The following PLEKHA5 variants were observed in gnomAD, a reference collection of about 807,000 sequenced individuals.
PLEKHA5 encodes the protein pleckstrin homology domain containing A5.
A neutral mutation model predicts 181.9 loss-of-function variants in PLEKHA5; 55 were observed. That is an observed-to-expected ratio of 0.30 (90% CI 0.24 to 0.38). The LOEUF (loss-of-function observed/expected upper bound fraction) is 0.38, where lower values mean the gene tolerates loss of function less well. Among genes scored for constraint, PLEKHA5 ranks in the 10% least tolerant of loss-of-function variants. The probability of loss-of-function intolerance (pLI) is 1.00; values close to 1 mark genes in which losing one functional copy is unlikely to be tolerated. For synonymous variants in PLEKHA5, 535 were observed against 529.4 expected (o/e 1.01, Z -0.15); for missense variants, 1,432 against 1,549.5 (o/e 0.92, Z 1.27).
intron 3 of PLEKHA5, among the ~76,000 whole-genome samples, chr12:19,227,778 C>G (rs1407936800): frequency 1.3e-5 from 2 of 152,130 alleles, no homozygotes; most frequent in Non-Finnish European, 2.9e-5. Flanking sequence ...ATAGCAATGA[C>G]CGATCTCTGC....
intron 3 of PLEKHA5, among the ~76,000 whole-genome samples, chr12:19,230,910 A>G (rs971903610): frequency 2.6e-5 from 4 of 152,200 alleles, no homozygotes; most frequent in African/African-American, 4.8e-5. Flanking sequence ...GTCACCTCTC[A>G]ATATCATGGT....
chr12:19,286,964 C>CAAA (rs563435759), intron 12 of PLEKHA5, among the ~76,000 whole-genome samples: 2 of 102,782 alleles, frequency 1.9e-5, no homozygotes, highest in Non-Finnish European at 2.1e-5. Context: ...GACTCTGCTT[C>CAAA]AAAAAACAAA....
chr12:19,216,929 A>G (rs989299228), intron 3 of PLEKHA5, among the ~76,000 whole-genome samples: 1 of 152,176 alleles, frequency 6.6e-6, no homozygotes, highest in Non-Finnish European at 1.5e-5. Flanking sequence ...CTCTCCAGAA[A>G]AAGTCCTCCA....
chr12:19,169,484 C>G (rs1292531649), intron 3 of PLEKHA5, among the ~76,000 whole-genome samples: 2 of 152,160 alleles, frequency 1.3e-5, no homozygotes, highest in Non-Finnish European at 2.9e-5. Context: ...TGCCTCCTGA[C>G]ACACTGATTG....
At chr12:19,254,114 A>C (rs960021757) in intron 4 of PLEKHA5, 91 bp downstream of exon 4, 7 of 781,060 alleles carry the variant, frequency 9.0e-6, no homozygotes, top group Non-Finnish European at 1.5e-5. Flanking sequence ...CAGTTTTCTT[A>C]TCTGGACATT....
rs139138076 is a variant in PLEKHA5 at position 19,244,620 on chromosome 12, T to C, written c.228-9320T>C. On this transcript the variant is annotated intron_variant, in intron 3 of 31. Coordinates refer to ENST00000429027, the MANE Select transcript of PLEKHA5 (RefSeq NM_001256470.2). ...TTTCTTAAACTAAATTAAATCTTTT[T>C]CTTTTTCCCTTAAGGGAAATACATG... 3.6e-3 allele frequency among the ~76,000 whole-genome samples: 555 copies of C among 152,352 alleles called. 1 individual carries two copies. The highest frequency in any genetic ancestry group is 0.013 in the African/African-American group (532 of 41,586).
intron 3 of PLEKHA5, among the ~76,000 whole-genome samples, chr12:19,230,439 T>A (rs1049474272): frequency 2.0e-5 from 3 of 152,114 alleles, no homozygotes; most frequent in Admixed American, 2.0e-4. Context: ...GCTTGGGCCG[T>A]GCAGGAACCC....
intron 15 of PLEKHA5, among the ~76,000 whole-genome samples, chr12:19,304,546 C>T (rs1400858045): frequency 6.6e-6 from 1 of 152,136 alleles, no homozygotes. Context: ...TTGAAAAATT[C>T]TTTGGCAGTC....
chr12:19,159,250 A>G (rs2042435197), intron 3 of PLEKHA5, among the ~76,000 whole-genome samples: 1 of 152,142 alleles, frequency 6.6e-6, no homozygotes, highest in African/African-American at 2.4e-5. Flanking sequence ...TGTGCATTCC[A>G]TTTTATTCTT....
chr12:19,260,670 A>G lies in PLEKHA5; in HGVS notation c.538-279A>G, dbSNP rs932116759. Reference sequence around the variant, plus strand: ...CAGGAGTTAGAGACCAGCCTGACCAACATGCTAAAACCCTGTCTCTACTAA... The same window carrying G: ...CAGGAGTTAGAGACCAGCCTGACCAGCATGCTAAAACCCTGTCTCTACTAA... On this transcript the variant is annotated intron_variant, in intron 6 of 31. Transcript: ENST00000429027. 7.9e-5 allele frequency among the ~76,000 whole-genome samples: 12 copies of G among 152,112 alleles called. 1 individual carries two copies. Among genetic ancestry groups the G allele is most frequent in the Admixed American group, 1.3e-4 (2 of 15,264 alleles).
intron 15 of PLEKHA5, among the ~76,000 whole-genome samples, chr12:19,298,408 C>CTTTTTT (rs533661916): frequency 1.4e-4 from 15 of 106,314 alleles, no homozygotes; most frequent in East Asian, 2.8e-4. Flanking sequence ...ATTTTTTTAG[C>CTTTTTT]TTTTTTTTTT....
chr12:19,265,949 G>T, intron 8 of PLEKHA5, 99 bp downstream of exon 8: 1 of 540,514 alleles, frequency 1.9e-6, no homozygotes, highest in African/African-American at 2.0e-5. Context: ...ACCTTATAGT[G>T]ATTTTTATAT....
chr12:19,351,871 C>G (rs2094609321), intron 25 of PLEKHA5, among the ~76,000 whole-genome samples: 1 of 151,960 alleles, frequency 6.6e-6, no homozygotes, highest in South Asian at 2.1e-4. Context: ...GTCAGGAGTT[C>G]CAGACCAGCC....
chr12:19,130,175 G>C lies in PLEKHA5; in HGVS notation c.169+45G>C. 1 of 1,325,478 alleles carries C rather than the reference G, an allele frequency of 7.5e-7. No individual in the cohort carries two copies. Among genetic ancestry groups the C allele is most frequent in the South Asian group, 1.4e-5 (1 of 73,938 alleles). The allele number at this position is 1,325,478 out of a possible 1,614,324, so 82.1% of individuals were successfully genotyped here. A position where few individuals can be genotyped will look rare whatever the true frequency, so the allele number is the denominator to read the frequency against. ...GAGTTGGGCTCCGCCTGGAGGAGGC[G>C]GCAGAGCCCGGGCCGCCCGGCTCCC... On this transcript the variant is annotated intron_variant, in intron 2 of 31. Transcript: ENST00000429027. This position sits in a 1 kb window ranked among gnomAD's most constrained non-coding sequence, Gnocchi z 4.5.
At chr12:19,344,410 C>A (rs2094168681) in intron 22 of PLEKHA5, among the ~76,000 whole-genome samples, 1 of 152,118 alleles carries the variant, frequency 6.6e-6, no homozygotes, top group Admixed American at 6.6e-5. Context: ...CAATAATTTG[C>A]TTTTTTCTCC....
chr12:19,174,866 A>G (rs748419842), intron 3 of PLEKHA5, among the ~76,000 whole-genome samples: 73 of 152,356 alleles, frequency 4.8e-4, no homozygotes, highest in Non-Finnish European at 9.1e-4. Context: ...AATAAGTTCA[A>G]GAATCTAAAC....
At chr12:19,348,611 T>G in intron 25 of PLEKHA5, 92 bp downstream of exon 25, 2 of 955,426 alleles carry the variant, frequency 2.1e-6, no homozygotes, top group Non-Finnish European at 3.0e-6. Context: ...ACATGTTGAC[T>G]CATATATGAG....
In PLEKHA5 at chr12:19,345,761, CA is replaced by C. The variant is rs576526926; in HGVS notation, c.2663-74del. The C allele has an allele frequency of 1.7e-4, 125 of 738,530 alleles. 1 individual carries two copies. In the African/African-American group the frequency reaches 2.0e-3, roughly 12 times the overall value. The allele number at this position is 738,530 out of a possible 1,614,324, so 45.7% of individuals were successfully genotyped here. ...TTGGGCAAACAGCAAGACTTCATTT[CA>C]AAAAAACAAAAGAAATTGTTCTTTT... is the stretch of plus-strand genomic sequence containing the variant. On this transcript the variant is annotated intron_variant, in intron 22 of 31. Coordinates refer to ENST00000429027, the MANE Select transcript of PLEKHA5 (RefSeq NM_001256470.2).
chr12:19,332,712 G>C (rs778156390), intron 20 of PLEKHA5, among the ~76,000 whole-genome samples: 1 of 152,158 alleles, frequency 6.6e-6, no homozygotes, highest in Non-Finnish European at 1.5e-5. Flanking sequence ...TACACAGGCT[G>C]GAGTACAATG....
Sources: allele counts gnomAD v4.1 joint callset (sites outside exome capture counted in the v4.1 genomes callset), GRCh38; gene constraint gnomAD v4.1.1; non-coding constraint Gnocchi (gnomAD v3.1); transcripts MANE v1.5; gene names NCBI Gene and HGNC (gene_info 2026-07-23, HGNC 2026-07-21).